SLCO3A1: variants seen among roughly 807,000 people sequenced by gnomAD.
SLCO3A1 encodes solute carrier organic anion transporter family member 3A1.
In SLCO3A1, 27 loss-of-function variants were observed where a neutral mutation model predicts 63.1. The ratio of observed to expected loss-of-function variants is 0.43; its 90% confidence interval spans 0.32 to 0.59. The LOEUF is 0.59. Ranked by LOEUF, SLCO3A1 falls within the 20% of genes least tolerant of loss-of-function variation. The pLI, the probability that SLCO3A1 is intolerant of heterozygous loss-of-function variation, is 0.09. For missense variants in SLCO3A1, 773 were observed against 945.8 expected, an observed-to-expected ratio of 0.82 and a Z score of 2.40; for synonymous variants, 473 against 409.9, an observed-to-expected ratio of 1.15 and a Z score of -1.86.
intron 2 of SLCO3A1, among the ~76,000 whole-genome samples, chr15:91,924,232 T>A (rs1597124940): frequency 1.3e-5 from 2 of 152,310 alleles, no homozygotes; most frequent in East Asian, 3.9e-4. Context: ...GGGGAGCTGG[T>A]CCTTGCCTCG....
intron 2 of SLCO3A1, among the ~76,000 whole-genome samples, chr15:92,041,317 G>A (rs2046793910): frequency 6.6e-6 from 1 of 152,192 alleles, no homozygotes; most frequent in African/African-American, 2.4e-5. Context: ...AGGCATTGCA[G>A]AGGCAGGGAG....
At chr15:92,086,956 C>T (rs1011397732) in intron 2 of SLCO3A1, among the ~76,000 whole-genome samples, 12 of 148,272 alleles carry the variant, frequency 8.1e-5, no homozygotes, top group Non-Finnish European at 1.6e-4. Context: ...TCACTCTAAC[C>T]GGGGTGAAAA....
At chr15:92,130,885 C>CAAAAA (rs993611856) in intron 7 of SLCO3A1, among the ~76,000 whole-genome samples, 1 of 21,796 alleles carries the variant, frequency 4.6e-5, no homozygotes, top group Non-Finnish European at 1.5e-4. Context: ...AAGTTCGGGG[C>CAAAAA]AAAAAAAAAA....
chr15:92,072,805 C>A (rs939586854), intron 2 of SLCO3A1, among the ~76,000 whole-genome samples: 2 of 152,134 alleles, frequency 1.3e-5, no homozygotes, highest in African/African-American at 4.8e-5. Flanking sequence ...TATGGGCCCA[C>A]TAAGGTAGCC....
chr15:91,969,073 C>T (rs1349309029), intron 2 of SLCO3A1, among the ~76,000 whole-genome samples: 1 of 152,202 alleles, frequency 6.6e-6, no homozygotes, highest in African/African-American at 2.4e-5. Flanking sequence ...GCACATACAC[C>T]TGTGTCCCCG....
At chr15:92,101,423 C>T (rs1020941055) in intron 3 of SLCO3A1, among the ~76,000 whole-genome samples, 3 of 152,028 alleles carry the variant, frequency 2.0e-5, no homozygotes, top group Admixed American at 6.6e-5. Context: ...GCAGGAGAAT[C>T]GCTTGAACCC....
chr15:92,106,979 C>A (rs758684381), intron 4 of SLCO3A1, among the ~76,000 whole-genome samples: 1 of 152,174 alleles, frequency 6.6e-6, no homozygotes, highest in Non-Finnish European at 1.5e-5. Context: ...GTGCTAAGCA[C>A]AGCCTTGACT....
intron 2 of SLCO3A1, among the ~76,000 whole-genome samples, chr15:92,027,402 A>G (rs1359156189): frequency 6.6e-6 from 1 of 152,240 alleles, no homozygotes; most frequent in Non-Finnish European, 1.5e-5. Context: ...CAAATTCACC[A>G]TTTGACGAAG....
chr15:91,936,644 A>T (rs1279710950), intron 2 of SLCO3A1, among the ~76,000 whole-genome samples: 1 of 152,228 alleles, frequency 6.6e-6, no homozygotes, highest in African/African-American at 2.4e-5. Context: ...TACAGACTTC[A>T]GTGAGTATGG....
At chr15:92,145,866 A>T in intron 7 of SLCO3A1, among the ~76,000 whole-genome samples, 1 of 152,290 alleles carries the variant, frequency 6.6e-6, no homozygotes, top group Middle Eastern at 3.4e-3. Flanking sequence ...TGTTGGGGGC[A>T]CAGCGATACA....
chr15:92,051,192 A>G (rs2046953237), intron 2 of SLCO3A1, among the ~76,000 whole-genome samples: 2 of 152,200 alleles, frequency 1.3e-5, no homozygotes, highest in Admixed American at 6.5e-5. Flanking sequence ...CAGTGAGGTG[A>G]AGGCTTCAGG....
intron 2 of SLCO3A1, among the ~76,000 whole-genome samples, chr15:91,951,682 A>C (rs1900005743): frequency 6.6e-6 from 1 of 151,184 alleles, no homozygotes; most frequent in Non-Finnish European, 1.5e-5. Context: ...CCGCCTCCCA[A>C]GTAGTAGGGA....
rs149175835 is a variant in SLCO3A1 at position 92,090,420 on chromosome 15, G to A, written c.647-4461G>A. On this transcript the variant is annotated intron_variant, in intron 2 of 9. Transcript: ENST00000318445. The stretch of plus-strand genomic sequence containing the variant: ...ATTTGTGCTAATTCACTGAAGGCCT[G>A]TGTACAGAATGCCAGAGCCAGATCA... Among the ~76,000 whole-genome samples the A allele has an allele frequency of 3.5e-4, 54 of 152,348 alleles. No individual in the cohort carries two copies. In the East Asian group the frequency reaches 9.8e-3, roughly 28 times the overall value.
chr15:91,926,015 G>T (rs1898999553), intron 2 of SLCO3A1, among the ~76,000 whole-genome samples: 1 of 152,222 alleles, frequency 6.6e-6, no homozygotes, highest in Non-Finnish European at 1.5e-5. Flanking sequence ...AAGCATCTTT[G>T]AATAGGGATA....
At chr15:92,027,937 CAAG>C (rs981460458) in intron 2 of SLCO3A1, among the ~76,000 whole-genome samples, 14 of 152,314 alleles carry the variant, frequency 9.2e-5, no homozygotes, top group Middle Eastern at 3.4e-3. Flanking sequence ...GAGTTTGAGA[CAAG>C]GATGTGGGCA....
chr15:91,886,735 T>C lies in SLCO3A1; in HGVS notation c.181-29258T>C, dbSNP rs1315163445. On this transcript the variant is annotated intron_variant, in intron 1 of 9. Coordinates refer to ENST00000318445, the MANE Select transcript of SLCO3A1 (RefSeq NM_013272.4). The surrounding 1 kb of genome is among the most constrained non-coding windows in gnomAD (Gnocchi z 4.9). ...AATAATCGAGCTCAACTCCAGACAATAATTCAGGGGTACGATGTGATGGCC... is the reference window on the plus strand; with the variant it reads ...AATAATCGAGCTCAACTCCAGACAACAATTCAGGGGTACGATGTGATGGCC... 2.6e-5 allele frequency among the ~76,000 whole-genome samples: 4 copies of C among 152,172 alleles called. No individual in the cohort carries two copies. The South Asian group carries it at 8.3e-4, about 31-fold the overall frequency.
At chr15:92,017,288 G>GGA (rs973718927) in intron 2 of SLCO3A1, among the ~76,000 whole-genome samples, 2 of 151,862 alleles carry the variant, frequency 1.3e-5, no homozygotes, top group East Asian at 1.9e-4. Context: ...CTGGGATTGG[G>GGA]GGGGGGTAGG....
At chr15:91,981,669 T>C (rs1567050028) in intron 2 of SLCO3A1, among the ~76,000 whole-genome samples, 1 of 152,148 alleles carries the variant, frequency 6.6e-6, no homozygotes, top group East Asian at 1.9e-4. Context: ...GGTCATGCAG[T>C]CACCCAATCC....
chr15:91,975,969 C>T (rs915553158), intron 2 of SLCO3A1, among the ~76,000 whole-genome samples: 3 of 152,212 alleles, frequency 2.0e-5, no homozygotes, highest in African/African-American at 4.8e-5. Flanking sequence ...TACTGTATTG[C>T]TTGCAGCACC....
Sources: gnomAD v4.1 joint callset for allele counts (sites outside exome capture counted in the v4.1 genomes callset) on GRCh38, gnomAD v4.1.1 for gene constraint, Gnocchi (gnomAD v3.1) non-coding constraint, MANE v1.5 for transcripts, NCBI Gene and HGNC (gene_info 2026-07-23, HGNC 2026-07-21) for gene names.